The following ARHGEF7 variants were observed in gnomAD, a reference collection of about 807,000 sequenced individuals.
The protein encoded by ARHGEF7 is Rho guanine nucleotide exchange factor 7, also known as PAK-interacting exchange factor beta.
A neutral mutation model predicts 109.8 loss-of-function variants in ARHGEF7; 33 were observed. That is an observed-to-expected ratio of 0.30 (90% CI 0.23 to 0.40). ARHGEF7 has a LOEUF of 0.40. ARHGEF7 is among the 10% of genes least tolerant of loss of function. The pLI, the probability that ARHGEF7 is intolerant of heterozygous loss-of-function variation, is 1.00. For missense variants in ARHGEF7, 938 were observed against 1,098.5 expected, an observed-to-expected ratio of 0.85 and a Z score of 2.07; for synonymous variants, 458 against 424.6, an observed-to-expected ratio of 1.08 and a Z score of -0.97.
In ARHGEF7 at chr13:111,228,152, G is replaced by A. The variant is rs2085478934; in HGVS notation, c.671-5053G>A. On this transcript the variant is annotated intron_variant, in intron 5 of 21. Coordinates refer to ENST00000646102, the MANE Select transcript of ARHGEF7 (RefSeq NM_001354046.2). The surrounding 1 kb of genome is among the most constrained non-coding windows in gnomAD (Gnocchi z 4.6). Reference sequence around the variant, plus strand: ...CTCTCTACTGGCATCCAAAAAAGAGGAGGGGGCGCTTTTATAGAATGAAAG... The same window carrying A: ...CTCTCTACTGGCATCCAAAAAAGAGAAGGGGGCGCTTTTATAGAATGAAAG... Among the ~76,000 whole-genome samples the A allele has an allele frequency of 6.6e-6, 1 of 152,196 alleles. No individual in the cohort carries two copies. The highest frequency in any genetic ancestry group is 1.5e-5 in the Non-Finnish European group (1 of 68,034).
intron 1 of ARHGEF7, among the ~76,000 whole-genome samples, chr13:111,134,419 AGT>A (rs1168862130): frequency 1.3e-5 from 2 of 152,228 alleles, no homozygotes; most frequent in Non-Finnish European, 2.9e-5. Context: ...ACAGTGTAAA[AGT>A]GTTCCTATTT....
chr13:111,129,538 C>T (rs1260314110), intron 1 of ARHGEF7, among the ~76,000 whole-genome samples: 2 of 151,886 alleles, frequency 1.3e-5, no homozygotes, highest in African/African-American at 4.8e-5. Flanking sequence ...AATAAAGAGC[C>T]TAATTTTAAA....
intron 5 of ARHGEF7, among the ~76,000 whole-genome samples, chr13:111,220,985 A>T (rs554741827): frequency 1.0e-4 from 15 of 150,088 alleles, no homozygotes; most frequent in Non-Finnish European, 2.1e-4. Context: ...TATAGATATG[A>T]AGGGAACTTT....
chr13:111,281,159 C>G (rs1212038692), intron 15 of ARHGEF7: 4 of 123,498 alleles, frequency 3.2e-5, no homozygotes, highest in African/African-American at 1.2e-4. Flanking sequence ...AAAAGCTCAA[C>G]AAGTCTTTGG....
chr13:111,273,342 C>T lies in ARHGEF7; in HGVS notation c.1074-472C>T, dbSNP rs964440434. On this transcript the variant is annotated intron_variant, in intron 9 of 21. Transcript: ENST00000646102. The surrounding 1 kb of genome is among the most constrained non-coding windows in gnomAD (Gnocchi z 4.5). ...CTACTCCCAGGCTGAGTGCTGGCAGCACATAGGTGGGGCCTGCTCGCTGGA... is the reference window on the plus strand; with the variant it reads ...CTACTCCCAGGCTGAGTGCTGGCAGTACATAGGTGGGGCCTGCTCGCTGGA... 2.0e-5 allele frequency among the ~76,000 whole-genome samples: 3 copies of T among 152,226 alleles called. No individual in the cohort carries two copies. Among genetic ancestry groups the T allele is most frequent in the Non-Finnish European group, 4.4e-5 (3 of 68,042 alleles).
intron 12 of ARHGEF7, chr13:111,276,056 T>A: frequency 4.4e-6 from 1 of 225,524 alleles, no homozygotes; most frequent in Non-Finnish European, 9.2e-6. Context: ...CTGCTCTCAA[T>A]GCTTTCGGGT....
chr13:111,177,433 G>A (rs992373473), intron 2 of ARHGEF7, among the ~76,000 whole-genome samples: 3 of 152,248 alleles, frequency 2.0e-5, no homozygotes, highest in Admixed American at 6.5e-5. Context: ...GGTGTGAGAT[G>A]TGCTATCAGT....
chr13:111,174,290 C>T (rs940632189), intron 2 of ARHGEF7, among the ~76,000 whole-genome samples: 1 of 152,212 alleles, frequency 6.6e-6, no homozygotes, highest in Non-Finnish European at 1.5e-5. Context: ...TTACATTTAA[C>T]CACACTGTTA....
chr13:111,129,270 TAAGAG>T (rs1416923359), intron 1 of ARHGEF7, among the ~76,000 whole-genome samples: 2 of 152,112 alleles, frequency 1.3e-5, no homozygotes, highest in African/African-American at 2.4e-5. Flanking sequence ...GAAGAAAATA[TAAGAG>T]AAAACATTTG....
intron 8 of ARHGEF7, among the ~76,000 whole-genome samples, chr13:111,263,334 C>T (rs890430055): frequency 3.3e-5 from 5 of 152,232 alleles, no homozygotes; most frequent in Non-Finnish European, 5.9e-5. Flanking sequence ...AGGCTCAGTG[C>T]GGTGAATTAA....
rs1026626019 is a variant in ARHGEF7, at chr13:111,272,858, G to T, written c.1074-956G>T. Among the ~76,000 whole-genome samples, 1 of 152,152 alleles carries T rather than the reference G, an allele frequency of 6.6e-6. No individual in the cohort carries two copies. Among genetic ancestry groups the T allele is most frequent in the Non-Finnish European group, 1.5e-5 (1 of 68,036 alleles). On this transcript the variant is annotated intron_variant, in intron 9 of 21. Coordinates refer to ENST00000646102, the MANE Select transcript of ARHGEF7 (RefSeq NM_001354046.2). The surrounding 1 kb of genome is among the most constrained non-coding windows in gnomAD (Gnocchi z 5.2). ...GCCAGTGAAGGGGTGTTGCGGTCAG[G>T]TGACTGTCAGCCTTAACAAACGTGT...
intron 2 of ARHGEF7, among the ~76,000 whole-genome samples, chr13:111,188,984 GT>G: frequency 6.6e-6 from 1 of 152,200 alleles, no homozygotes; most frequent in South Asian, 2.1e-4. Flanking sequence ...ACCCCCAAAG[GT>G]TTATTATGTC....
At chr13:111,179,109 T>TG (rs2078476545) in intron 2 of ARHGEF7, among the ~76,000 whole-genome samples, 1 of 151,700 alleles carries the variant, frequency 6.6e-6, no homozygotes, top group African/African-American at 2.4e-5. Flanking sequence ...GACAGAATCT[T>TG]GCTTTGTCAC....
chr13:111,159,149 G>A (rs2076561500), intron 2 of ARHGEF7: 1 of 707,724 alleles, frequency 1.4e-6, no homozygotes. Context: ...TTGTCTTTTT[G>A]TGCCCTGCTT....
intron 2 of ARHGEF7, among the ~76,000 whole-genome samples, chr13:111,165,266 C>T (rs1459811222): frequency 6.6e-6 from 1 of 152,238 alleles, no homozygotes; most frequent in Non-Finnish European, 1.5e-5. Context: ...GACTTAGCCC[C>T]AGATTCCTCT....
chr13:111,183,813 CTG>C (rs2078987039), intron 2 of ARHGEF7, among the ~76,000 whole-genome samples: 1 of 152,112 alleles, frequency 6.6e-6, no homozygotes, highest in East Asian at 1.9e-4. Flanking sequence ...CACCTTTTAA[CTG>C]TATTTCTAGT....
chr13:111,135,569 A>C (rs148786076), intron 1 of ARHGEF7, among the ~76,000 whole-genome samples: 1,670 of 152,278 alleles, frequency 0.011, 35 homozygotes, highest in African/African-American at 0.037. Context: ...TGTGAATGGG[A>C]GTTCACTCAT....
At chr13:111,246,492 GCACT>G (rs2088868524) in intron 8 of ARHGEF7, among the ~76,000 whole-genome samples, 1 of 152,110 alleles carries the variant, frequency 6.6e-6, no homozygotes, top group Admixed American at 6.5e-5. Flanking sequence ...TTTTGTCAAG[GCACT>G]TTATACTGGA....
chr13:111,146,668 CAA>C (rs1201002502), intron 1 of ARHGEF7, among the ~76,000 whole-genome samples: 2 of 152,140 alleles, frequency 1.3e-5, no homozygotes, highest in East Asian at 3.9e-4. Flanking sequence ...TTTTTTTACT[CAA>C]ACTCTTTCAA....
Sources: gnomAD v4.1 joint callset for allele counts (sites outside exome capture counted in the v4.1 genomes callset) on GRCh38, gnomAD v4.1.1 for gene constraint, Gnocchi (gnomAD v3.1) non-coding constraint, MANE v1.5 for transcripts, NCBI Gene and HGNC (gene_info 2026-07-23, HGNC 2026-07-21) for gene names.